RNF168: variants seen among roughly 807,000 people sequenced by gnomAD.
RNF168 encodes ring finger protein 168, also known as E3 ubiquitin-protein ligase RNF168.
RNF168 carries 34 observed loss-of-function variants against 34.9 expected under a neutral mutation model. The ratio of observed to expected loss-of-function variants is 0.97; its 90% CI spans 0.74 to 1.30. The LOEUF (loss-of-function observed/expected upper bound fraction) is 1.30, where lower values mean the gene tolerates loss of function less well. Ranked by LOEUF, RNF168 falls within the 50% of genes most tolerant of loss-of-function variation. The pLI, the probability that RNF168 is intolerant of heterozygous loss-of-function variation, is 0.00. For missense variants in RNF168, 725 were observed against 682.5 expected (o/e 1.06, Z -0.69); for synonymous variants, 264 against 254.7 (o/e 1.04, Z -0.35).
At chr3:196,502,136 C>T (rs1280602670) in intron 1 of RNF168, among the ~76,000 whole-genome samples, 1 of 150,258 alleles carries the variant, frequency 6.7e-6, no homozygotes, top group African/African-American at 2.5e-5. Context: ...CAGGAACCAC[C>T]GCCCGGCTTA....
chr3:196,481,670 G>A (rs1465512243), intron 4 of RNF168, among the ~76,000 whole-genome samples: 2 of 109,670 alleles, frequency 1.8e-5, no homozygotes, highest in Non-Finnish European at 3.7e-5. Context: ...TTTTAAATAC[G>A]TTTTCAGCTG....
chr3:196,498,872 G>T (rs1732812472), intron 1 of RNF168, among the ~76,000 whole-genome samples: 1 of 151,926 alleles, frequency 6.6e-6, no homozygotes, highest in Non-Finnish European at 1.5e-5. Context: ...GTGCGTGCCT[G>T]TAATCCCAGC....
intron 1 of RNF168, among the ~76,000 whole-genome samples, chr3:196,492,323 A>G (rs1016841308): frequency 2.0e-5 from 3 of 151,536 alleles, no homozygotes; most frequent in Non-Finnish European, 2.9e-5. Flanking sequence ...ACATAGCAAG[A>G]CCCCATCTTT....
intron 1 of RNF168, among the ~76,000 whole-genome samples, chr3:196,495,818 A>G (rs1000936149): frequency 6.6e-6 from 1 of 152,242 alleles, no homozygotes; most frequent in African/African-American, 2.4e-5. Flanking sequence ...CAATTTTTAC[A>G]GTGACAGTCG....
intron 1 of RNF168, among the ~76,000 whole-genome samples, chr3:196,500,043 C>T (rs1732842033): frequency 6.6e-6 from 1 of 152,146 alleles, no homozygotes; most frequent in African/African-American, 2.4e-5. Flanking sequence ...GACACCCACG[C>T]ACTGTTGGTG....
At chr3:196,478,096 A>G (rs542373504) in intron 4 of RNF168, among the ~76,000 whole-genome samples, 40 of 152,288 alleles carry the variant, frequency 2.6e-4, no homozygotes, top group Non-Finnish European at 5.1e-4. Context: ...ACAGAAATAC[A>G]GGAAATATAT....
At chr3:196,481,196 T>A (rs1732278125) in intron 4 of RNF168, among the ~76,000 whole-genome samples, 1 of 152,210 alleles carries the variant, frequency 6.6e-6, no homozygotes, top group African/African-American at 2.4e-5. Flanking sequence ...CCTTTTATTG[T>A]GTTACTGTGC....
chr3:196,491,610 C>A (rs1026487448), intron 1 of RNF168, among the ~76,000 whole-genome samples: 1 of 152,180 alleles, frequency 6.6e-6, no homozygotes, highest in African/African-American at 2.4e-5. Context: ...CACGCCACTG[C>A]ACTCCAGCCT....
intron 4 of RNF168, chr3:196,475,523 G>T (rs1732124527): frequency 5.8e-6 from 3 of 521,362 alleles, no homozygotes; most frequent in Non-Finnish European, 1.0e-5. Context: ...AACAGAAAAG[G>T]AAGTAAAAGT....
chr3:196,482,916 C>T (rs963133497), intron 4 of RNF168, among the ~76,000 whole-genome samples: 6 of 151,896 alleles, frequency 4.0e-5, no homozygotes, highest in Non-Finnish European at 7.4e-5. Flanking sequence ...CTTAGTTTTT[C>T]TTGTATCTCT....
Position 196,503,078 on chromosome 3 carries a change from G to A in RNF168, c.96C>T (p.Asn32=), listed in dbSNP as rs1732943212. The A allele has an allele frequency of 6.2e-7, 1 of 1,614,142 alleles. No homozygotes were observed. Among genetic ancestry groups the A allele is most frequent in the South Asian group, 1.1e-5 (1 of 91,074 alleles). Residue 32 remains asparagine (N), a synonymous_variant, in exon 1 of 6, where the codon AAC becomes AAT. Coordinates refer to ENST00000318037, the MANE Select transcript of RNF168 (RefSeq NM_152617.4). Reference sequence around the variant, plus strand: ...GGAAGCACGGTTTACACAGCGTGTGGTTACACGGGAGGGTGACGGGCTCCA... The same window carrying A: ...GGAAGCACGGTTTACACAGCGTGTGATTACACGGGAGGGTGACGGGCTCCA... ...ILVEPVTLPC[N]HTLCKPCFQS...
chr3:196,472,040 A>C lies in RNF168; in HGVS notation c.1495T>G (p.Phe499Val), dbSNP rs777256375. 1 of 1,613,920 alleles carries C rather than the reference A, an allele frequency of 6.2e-7. No individual in the cohort carries two copies. Among genetic ancestry groups the C allele is most frequent in the South Asian group, 1.1e-5 (1 of 91,042 alleles). Residue 499 changes from phenylalanine to valine, a missense_variant, in exon 6 of 6, where the codon TTC becomes GTC. Transcript: ENST00000318037. The stretch of plus-strand genomic sequence containing the variant: ...TGCTTTGTGTGAGTTTGCCTTTTGA[A>C]GTTCCCATCTTTGGGATTCTTCCTC... ...GQRKNPKDGN[F>V]KRQTHTKHPT...
At chr3:196,485,781 T>C (rs1732408462) in intron 3 of RNF168, among the ~76,000 whole-genome samples, 1 of 89,284 alleles carries the variant, frequency 1.1e-5, no homozygotes, top group Admixed American at 9.2e-5. Context: ...TATATACATA[T>C]ATATTTTTTT....
chr3:196,501,540 T>C (rs997758635), intron 1 of RNF168, among the ~76,000 whole-genome samples: 1 of 151,994 alleles, frequency 6.6e-6, no homozygotes, highest in Admixed American at 6.6e-5. Flanking sequence ...GAAAGTGGAA[T>C]AGAAGGTGCC....
intron 3 of RNF168, among the ~76,000 whole-genome samples, chr3:196,484,455 T>A (rs1732374916): frequency 6.8e-6 from 1 of 146,100 alleles, no homozygotes; most frequent in African/African-American, 2.6e-5. Context: ...ATTACAGGCA[T>A]GAGGCACCGC....
chr3:196,497,352 T>G (rs1018221842), intron 1 of RNF168, among the ~76,000 whole-genome samples: 2 of 152,118 alleles, frequency 1.3e-5, no homozygotes, highest in Admixed American at 1.3e-4. Flanking sequence ...AAAATTAATT[T>G]GAAATGGATC....
At chr3:196,495,326 A>T (rs1180858900) in intron 1 of RNF168, among the ~76,000 whole-genome samples, 2 of 152,186 alleles carry the variant, frequency 1.3e-5, no homozygotes, top group Non-Finnish European at 2.9e-5. Context: ...TAACATTGAT[A>T]TATTACCCAT....
At chr3:196,498,585 T>C (rs1393133128) in intron 1 of RNF168, among the ~76,000 whole-genome samples, 1 of 152,218 alleles carries the variant, frequency 6.6e-6, no homozygotes, top group Non-Finnish European at 1.5e-5. Context: ...TCAGCAACTT[T>C]ATTCATAATA....
chr3:196,496,830 C>T (rs1732754118), intron 1 of RNF168, among the ~76,000 whole-genome samples: 1 of 152,114 alleles, frequency 6.6e-6, no homozygotes, highest in Non-Finnish European at 1.5e-5. Flanking sequence ...ATAGCAAAAC[C>T]CCGTCTCTAC....
Sources: allele counts gnomAD v4.1 joint callset (sites outside exome capture counted in the v4.1 genomes callset), GRCh38; gene constraint gnomAD v4.1.1; transcripts MANE v1.5; gene names NCBI Gene and HGNC (gene_info 2026-07-23, HGNC 2026-07-21).